Variants in SLC44A1 observed in about 807,000 individuals in gnomAD.
The protein encoded by SLC44A1 is choline transporter-like protein 1.
Under a neutral mutation model 79.3 loss-of-function variants are expected in SLC44A1, and 26 were observed. That is an observed-to-expected ratio of 0.33 (90% CI 0.24 to 0.46). The LOEUF (loss-of-function observed/expected upper bound fraction) is 0.46, where lower values mean the gene tolerates loss of function less well. Among genes scored for constraint, SLC44A1 ranks in the 20% least tolerant of loss-of-function variants. The pLI is 1.00. For synonymous variants in SLC44A1, 263 were observed against 286.2 expected, an observed-to-expected ratio of 0.92 and a Z score of 0.82; for missense variants, 688 against 798.1, an observed-to-expected ratio of 0.86 and a Z score of 1.66.
At chr9:105,422,250 C>T (rs1405526362) in intron 15 of SLC44A1, among the ~76,000 whole-genome samples, 5 of 150,918 alleles carry the variant, frequency 3.3e-5, no homozygotes, top group Non-Finnish European at 7.4e-5. Context: ...ATGCAGGACT[C>T]CTGCCCTGAC....
At chr9:105,338,598 G>A (rs535146006) in intron 4 of SLC44A1, among the ~76,000 whole-genome samples, 1 of 152,092 alleles carries the variant, frequency 6.6e-6, no homozygotes, top group African/African-American at 2.4e-5. Flanking sequence ...TACTTATATG[G>A]CAGTGAGGTA....
Position 105,348,429 on chromosome 9 carries a change from C to T in SLC44A1, c.478C>T (p.Pro160Ser). 6.2e-7 allele frequency: 1 copy of T among 1,607,506 alleles called. No individual in the cohort carries two copies. Among genetic ancestry groups the T allele is most frequent in the South Asian group, 1.1e-5 (1 of 90,880 alleles). ...TTSPKSSVLC[P>S]KLPVPASAPI... is the part of the protein sequence containing the mutation. ...ATCTCCAAAATCTTCTGTTCTCTGC[C>T]CCAAACTACCAGTTCCAGCGAGGTA... The change falls in exon 5 of 16, where the codon CCC (proline) becomes TCC (serine). Residue 160 changes from proline (P) to serine (S), a missense_variant. Coordinates refer to ENST00000374720, the MANE Select transcript of SLC44A1 (RefSeq NM_080546.5).
At chr9:105,384,829 A>G (rs754788211) in intron 14 of SLC44A1, among the ~76,000 whole-genome samples, 1 of 152,210 alleles carries the variant, frequency 6.6e-6, no homozygotes, top group Non-Finnish European at 1.5e-5. Context: ...CTTTGGGCAC[A>G]TTCCCATTTC....
chr9:105,360,637 C>T lies in SLC44A1; in HGVS notation c.761-554C>T, dbSNP rs766072926. 3.0e-4 allele frequency among the ~76,000 whole-genome samples: 46 copies of T among 152,322 alleles called. No individual in the cohort carries two copies. In the Middle Eastern group the frequency reaches 0.014, roughly 45 times the overall value. ...TAAAAATGCTTATCCCTAGCACCCACCACTATCAGAGATTTCCTCTTTGTT... is the reference window on the plus strand; with the variant it reads ...TAAAAATGCTTATCCCTAGCACCCATCACTATCAGAGATTTCCTCTTTGTT... On this transcript the variant is annotated intron_variant, in intron 7 of 15. Coordinates refer to ENST00000374720, the MANE Select transcript of SLC44A1 (RefSeq NM_080546.5).
chr9:105,417,695 A>G lies in SLC44A1; in HGVS notation c.1951-20586A>G, dbSNP rs553973592. On this transcript the variant is annotated intron_variant, in intron 15 of 15. Coordinates refer to the SLC44A1 transcript ENST00000374724. ...CTTTTTCTATCTTGCCCTTGATATC[A>G]GTGAGCCATCAGAAGGCCAGGAAGC... is the stretch of plus-strand genomic sequence containing the variant. Among the ~76,000 whole-genome samples, 18 of 152,194 alleles carry G rather than the reference A, an allele frequency of 1.2e-4. No homozygotes were observed. The South Asian group carries it at 3.7e-3, about 32-fold the overall frequency.
At chr9:105,369,936 C>A (rs1465196032) in intron 12 of SLC44A1, among the ~76,000 whole-genome samples, 5 of 152,216 alleles carry the variant, frequency 3.3e-5, no homozygotes, top group Non-Finnish European at 5.9e-5. Context: ...AACAGGCATC[C>A]TTTAAAAAGA....
chr9:105,386,527 G>T, intron 15 of SLC44A1: 1 of 623,852 alleles, frequency 1.6e-6, no homozygotes. Context: ...ATATGGCTTA[G>T]GAAGGCTTTC....
At chr9:105,356,056 C>T in intron 5 of SLC44A1, 156 bp from the exon 6 acceptor site, 2 of 622,322 alleles carry the variant, frequency 3.2e-6, no homozygotes, top group Non-Finnish European at 5.6e-6. Flanking sequence ...GACAGTCATC[C>T]TCATAGCATT....
In SLC44A1 at chr9:105,395,086, A is replaced by T; in HGVS notation, c.*6030A>T. ...TTGATCCCAGTGGCTCATGACTTAT[A>T]GTCAGGCATCAAACCATTTCCTACT... On this transcript the variant is annotated 3_prime_UTR_variant, in exon 16 of 16. Coordinates refer to ENST00000374720, the MANE Select transcript of SLC44A1 (RefSeq NM_080546.5). 1.0e-6 allele frequency: 1 copy of T among 985,484 alleles called. No individual in the cohort carries two copies. The highest frequency in any genetic ancestry group is 1.2e-6 in the Non-Finnish European group (1 of 829,946). 61.0% of individuals were successfully genotyped at this position (985,484 alleles called of 1,614,324 possible).
intron 15 of SLC44A1, among the ~76,000 whole-genome samples, chr9:105,404,158 C>G (rs1223594964): frequency 6.8e-6 from 1 of 146,150 alleles, no homozygotes; most frequent in Non-Finnish European, 1.5e-5. Flanking sequence ...TCGCTTGAAC[C>G]TGGGAGGCGG....
chr9:105,284,520 G>T (rs1467480357), intron 1 of SLC44A1, among the ~76,000 whole-genome samples: 2 of 151,926 alleles, frequency 1.3e-5, no homozygotes, highest in African/African-American at 4.8e-5. Flanking sequence ...CTCTTCCCTT[G>T]TGTTGCCTAC....
intron 2 of SLC44A1, 130 bp downstream of exon 2, chr9:105,299,439 T>G (rs1435305697): frequency 1.7e-6 from 1 of 585,552 alleles, no homozygotes; most frequent in Non-Finnish European, 2.7e-6. Flanking sequence ...GTGTCACTCT[T>G]GATTTGTTTT....
chr9:105,351,675 A>C (rs1827451075), intron 5 of SLC44A1, among the ~76,000 whole-genome samples: 9 of 151,046 alleles, frequency 6.0e-5, no homozygotes, highest in Middle Eastern at 3.4e-3. Flanking sequence ...AGAAAGAAAG[A>C]ACCAAGAAAA....
At chr9:105,370,639 C>G (rs1484033840) in intron 12 of SLC44A1, among the ~76,000 whole-genome samples, 1 of 151,872 alleles carries the variant, frequency 6.6e-6, no homozygotes, top group South Asian at 2.1e-4. Flanking sequence ...ATGAGGGAAA[C>G]AAAAAAAGCT....
chr9:105,421,886 CAGGAATCTGCT>C (rs1162613203), intron 15 of SLC44A1, among the ~76,000 whole-genome samples: 1 of 152,216 alleles, frequency 6.6e-6, no homozygotes, highest in Non-Finnish European at 1.5e-5. Context: ...CGCGCCCAGC[CAGGAATCTGCT>C]TTGAATTCCT....
At chr9:105,373,153 C>G (rs1828165867) in intron 12 of SLC44A1, among the ~76,000 whole-genome samples, 1 of 152,130 alleles carries the variant, frequency 6.6e-6, no homozygotes, top group African/African-American at 2.4e-5. Flanking sequence ...TAGACTATCT[C>G]TCCTGGGCTC....
intron 3 of SLC44A1, among the ~76,000 whole-genome samples, chr9:105,332,898 A>T (rs1826796731): frequency 6.6e-6 from 1 of 152,216 alleles, no homozygotes; most frequent in Non-Finnish European, 1.5e-5. Flanking sequence ...TATATATATT[A>T]TTGATCACAT....
At chr9:105,418,927 A>G (rs1434300856) in intron 15 of SLC44A1, among the ~76,000 whole-genome samples, 2 of 152,230 alleles carry the variant, frequency 1.3e-5, no homozygotes, top group Non-Finnish European at 2.9e-5. Context: ...TAGAGGGACA[A>G]CATTTTTGGG....
rs1828751573 is a variant in SLC44A1, at chr9:105,391,034, A to G, written c.*1978A>G. 1.0e-6 allele frequency: 1 copy of G among 985,756 alleles called. No individual in the cohort carries two copies. The highest frequency in any genetic ancestry group is 1.2e-6 in the Non-Finnish European group (1 of 829,924). The allele number at this position is 985,756 out of a possible 1,614,324, so 61.1% of individuals were successfully genotyped here. ...TACCATCTGTTTCATAGCCGCACAG[A>G]TTTTGGACTTTCACAAACATTGGGA... On this transcript the variant is annotated 3_prime_UTR_variant, in exon 16 of 16. Transcript: ENST00000374720.
Sources: allele counts gnomAD v4.1 joint callset (sites outside exome capture counted in the v4.1 genomes callset), GRCh38; gene constraint gnomAD v4.1.1; transcripts MANE v1.5; gene names NCBI Gene and HGNC (gene_info 2026-07-23, HGNC 2026-07-21).